CEPT1: variants seen among roughly 807,000 people sequenced by gnomAD.
CEPT1 encodes choline/ethanolamine phosphotransferase 1.
In CEPT1, 7 loss-of-function variants were observed where a neutral mutation model predicts 42.6. That is an observed-to-expected ratio of 0.16 (90% CI 0.09 to 0.31). The LOEUF (loss-of-function observed/expected upper bound fraction) is 0.31. CEPT1 is among the 10% of genes least tolerant of loss of function. CEPT1 has a pLI of 1.00. For synonymous variants in CEPT1, 171 were observed against 171.9 expected (o/e 0.99, Z 0.04); for missense variants, 306 against 502.1 (o/e 0.61, Z 3.73).
intron 4 of CEPT1, among the ~76,000 whole-genome samples, chr1:111,163,353 G>C (rs1031219745): frequency 1.3e-5 from 2 of 152,202 alleles, no homozygotes; most frequent in African/African-American, 4.8e-5. Flanking sequence ...GCTATGGCCA[G>C]GCACAGTGGC....
intron 7 of CEPT1, 86 bp downstream of exon 7, chr1:111,183,043 T>A: frequency 1.5e-6 from 2 of 1,345,802 alleles, no homozygotes; most frequent in Non-Finnish European, 2.1e-6. Context: ...TGTAGCTTCA[T>A]AAATGGTCCT....
chr1:111,167,682 G>T, intron 4 of CEPT1: 1 of 982,006 alleles, frequency 1.0e-6, no homozygotes, highest in Non-Finnish European at 1.2e-6. Context: ...CAGCAGTCTT[G>T]GTGTTGTATA....
intron 4 of CEPT1, among the ~76,000 whole-genome samples, chr1:111,166,544 A>G (rs1656153247): frequency 6.6e-6 from 1 of 152,222 alleles, no homozygotes; most frequent in African/African-American, 2.4e-5. Flanking sequence ...TGCTCTAACC[A>G]TATCCAAATA....
intron 4 of CEPT1, among the ~76,000 whole-genome samples, chr1:111,169,664 T>G (rs1656324289): frequency 6.6e-6 from 1 of 152,228 alleles, no homozygotes; most frequent in Non-Finnish European, 1.5e-5. Context: ...TTAAACTGAT[T>G]TGATAATTAA....
Position 111,163,524 on chromosome 1 carries a change from G to A in CEPT1, c.629+2228G>A, listed in dbSNP as rs77415908. 9.2e-3 allele frequency among the ~76,000 whole-genome samples: 1,396 copies of A among 151,830 alleles called. 14 individuals are homozygous for A. Among genetic ancestry groups the A allele is most frequent in the Non-Finnish European group, 0.014 (956 of 67,940 alleles). On this transcript the variant is annotated intron_variant, in intron 4 of 8. Transcript: ENST00000357172. ...GCATGCCTGTAGGAGGATCACTTGC[G>A]CCCTGGAAATAGAGGTTGCAGTGAG...
chr1:111,184,452 C>A lies in CEPT1; in HGVS notation c.*142C>A. 1 of 566,436 alleles carries A rather than the reference C, an allele frequency of 1.8e-6. No homozygotes were observed. Among genetic ancestry groups the A allele is most frequent in the Non-Finnish European group, 2.9e-6 (1 of 347,086 alleles). 35.1% of individuals were successfully genotyped at this position (566,436 alleles called of 1,614,324 possible). On this transcript the variant is annotated 3_prime_UTR_variant, in exon 9 of 9. Transcript: ENST00000357172. Reference sequence around the variant, plus strand: ...TTTATTCTTTATTATTGGTAACACGCCCTAACTATCCTGTGTGAGAATGGG... The same window carrying A: ...TTTATTCTTTATTATTGGTAACACGACCTAACTATCCTGTGTGAGAATGGG...
intron 5 of CEPT1, chr1:111,178,245 G>A (rs1322554175): frequency 6.6e-6 from 1 of 152,160 alleles, no homozygotes; most frequent in Non-Finnish European, 1.5e-5. Context: ...CATTAAGTTA[G>A]AAGGCTTTTA....
At chr1:111,175,100 T>G in intron 5 of CEPT1, 137 bp downstream of exon 5, 1 of 633,384 alleles carries the variant, frequency 1.6e-6, no homozygotes, top group Non-Finnish European at 2.9e-6. Context: ...ACAACTTCTC[T>G]TTAGAGGATG....
At chr1:111,139,555 G>A (rs935829178), upstream of CEPT1, 2 of 152,304 alleles carry the variant, frequency 1.3e-5, no homozygotes, top group Middle Eastern at 3.4e-3. Flanking sequence ...TGTGGGAAAG[G>A]GTTGAAGATT....
chr1:111,160,976 A>G, intron 3 of CEPT1, 179 bp from the exon 4 acceptor site: 1 of 583,554 alleles, frequency 1.7e-6, no homozygotes. Context: ...AAAAAGAGAG[A>G]TTGAAATTAT....
rs12404884 is a variant in CEPT1, at chr1:111,176,201, G to T, written c.714+1238G>T. Among the ~76,000 whole-genome samples, 1,090 of 152,254 alleles carry T rather than the reference G, an allele frequency of 7.2e-3. 15 individuals carry two copies. Among genetic ancestry groups the T allele is most frequent in the African/African-American group, 0.022 (916 of 41,544 alleles). ...TCAGTTATGTACATAATATCATTCA[G>T]TTATGTATCTTAGATTTCACTATAG... On this transcript the variant is annotated intron_variant, in intron 5 of 8. Transcript: ENST00000357172.
rs74226033 is a variant in CEPT1 at position 111,168,991 on chromosome 1, A to G, written c.630-5888A>G. ...TGTAGTATTTGCATAGAACCTATAC[A>G]CAGCCTCCTGTATACTTTAAGTCAT... is the stretch of plus-strand genomic sequence containing the variant. On this transcript the variant is annotated intron_variant, in intron 4 of 8. Coordinates refer to ENST00000357172, the MANE Select transcript of CEPT1 (RefSeq NM_006090.5). Among the ~76,000 whole-genome samples, 3 of 152,328 alleles carry G rather than the reference A, an allele frequency of 2.0e-5. No homozygotes were observed. In the East Asian group the frequency reaches 5.8e-4, roughly 29 times the overall value.
intron 2 of CEPT1, among the ~76,000 whole-genome samples, chr1:111,157,238 G>T (rs555902131): frequency 6.6e-6 from 1 of 152,130 alleles, no homozygotes; most frequent in East Asian, 1.9e-4. Flanking sequence ...CTAGGATTGT[G>T]TATATACTAG....
At chr1:111,175,600 TTGCGTAACTCTC>T (rs1463779990) in intron 5 of CEPT1, among the ~76,000 whole-genome samples, 1 of 152,238 alleles carries the variant, frequency 6.6e-6, no homozygotes, top group Non-Finnish European at 1.5e-5. Context: ...ACTTAATCTG[TTGCGTAACTCTC>T]TCTGGCTTAG....
At chr1:111,144,463 C>T (rs1378010797) in intron 1 of CEPT1, among the ~76,000 whole-genome samples, 1 of 152,038 alleles carries the variant, frequency 6.6e-6, no homozygotes, top group Non-Finnish European at 1.5e-5. Flanking sequence ...TAAATTTGTA[C>T]CGTGGGCTAG....
intron 4 of CEPT1, among the ~76,000 whole-genome samples, chr1:111,165,241 G>T (rs1270779309): frequency 6.6e-6 from 1 of 150,564 alleles, no homozygotes; most frequent in Non-Finnish European, 1.5e-5. Context: ...GTAGAGACAG[G>T]GTTTCACCGT....
At chr1:111,173,375 T>C (rs1460861862) in intron 4 of CEPT1, 1 of 152,224 alleles carries the variant, frequency 6.6e-6, no homozygotes, top group Non-Finnish European at 1.5e-5. Flanking sequence ...TTAAAAAACA[T>C]TCTTGGGCAA....
At chr1:111,183,309 C>T (rs185039617) in intron 7 of CEPT1, among the ~76,000 whole-genome samples, 153 bp from the exon 8 acceptor site, 41 of 152,226 alleles carry the variant, frequency 2.7e-4, no homozygotes, top group Non-Finnish European at 5.9e-5. Flanking sequence ...CTTTCTCAGA[C>T]GCATTTCATA....
At chr1:111,182,523 C>T (rs889065090) in intron 6 of CEPT1, 2 of 584,684 alleles carry the variant, frequency 3.4e-6, no homozygotes, top group Non-Finnish European at 5.8e-6. Context: ...TATGCATACA[C>T]ACACACAAAC....
Sources: gnomAD v4.1 joint callset for allele counts (sites outside exome capture counted in the v4.1 genomes callset) on GRCh38, gnomAD v4.1.1 for gene constraint, MANE v1.5 for transcripts, NCBI Gene and HGNC (gene_info 2026-07-23, HGNC 2026-07-21) for gene names.